Variants in BARD1 observed in about 807,000 individuals in gnomAD.
The protein encoded by BARD1 is BRCA1 associated RING domain 1.
A neutral mutation model predicts 77.0 loss-of-function variants in BARD1; 73 were observed. The observed-to-expected ratio is 0.95, with a 90% CI of 0.79 to 1.15. The LOEUF is 1.15. Among genes scored for constraint, BARD1 ranks in the 50% most tolerant of loss-of-function variants. The pLI, the probability that BARD1 is intolerant of heterozygous loss-of-function variation, is 0.00. For missense variants in BARD1, 993 were observed against 938.8 expected, an observed-to-expected ratio of 1.06 and a Z score of -0.75; for synonymous variants, 384 against 338.0, an observed-to-expected ratio of 1.14 and a Z score of -1.49.
At chr2:214,743,118 T>C (rs1482735493) in intron 9 of BARD1, among the ~76,000 whole-genome samples, 1 of 152,336 alleles carries the variant, frequency 6.6e-6, no homozygotes, top group Admixed American at 6.5e-5. Flanking sequence ...GTGGCATTGC[T>C]AGTCACAGCC....
intron 6 of BARD1, among the ~76,000 whole-genome samples, chr2:214,761,181 T>C (rs946353534): frequency 6.6e-6 from 1 of 151,804 alleles, no homozygotes; most frequent in African/African-American, 2.4e-5. Flanking sequence ...CCAAAAATTA[T>C]ATAATATGTG....
At position 214,782,103 on chromosome 2, in the gene BARD1, C is replaced by T. The variant is rs530737759; in HGVS notation, c.365-594G>A. 2.6e-3 allele frequency among the ~76,000 whole-genome samples: 398 copies of T among 152,066 alleles called. 2 individuals are homozygous for T. Among genetic ancestry groups the T allele is most frequent in the Non-Finnish European group, 4.6e-3 (316 of 67,990 alleles). ...GGACTCATACTATATGACTTCAAAA[C>T]GTATCTCTGACAAAATGAATAAAGG... On this transcript the variant is annotated intron_variant, in intron 3 of 10. Transcript: ENST00000260947.
At chr2:214,801,862 T>C (rs1191908711) in intron 1 of BARD1, among the ~76,000 whole-genome samples, 1 of 108,748 alleles carries the variant, frequency 9.2e-6, no homozygotes, top group Non-Finnish European at 1.9e-5. Flanking sequence ...GGGGGGGGGT[T>C]GTTTTTGTTT....
chr2:214,778,002 C>G (rs932762172), intron 4 of BARD1, among the ~76,000 whole-genome samples: 3 of 152,098 alleles, frequency 2.0e-5, no homozygotes, highest in Admixed American at 6.6e-5. Context: ...TCGAGACCAG[C>G]CTGGCCAACA....
chr2:214,808,187 A>T (rs1574865748), intron 1 of BARD1, among the ~76,000 whole-genome samples: 1 of 152,148 alleles, frequency 6.6e-6, no homozygotes, highest in African/African-American at 2.4e-5. Context: ...AGGCGGGCGG[A>T]TCACGAGGTC....
chr2:214,769,017 CTAAAGG>C (rs1194834129), intron 5 of BARD1, among the ~76,000 whole-genome samples: 3 of 152,316 alleles, frequency 2.0e-5, no homozygotes, highest in South Asian at 4.1e-4. Context: ...ATTCCTAAAT[CTAAAGG>C]TAGTCTGTCA....
chr2:214,774,421 T>G (rs193085471), intron 4 of BARD1, among the ~76,000 whole-genome samples: 44 of 152,304 alleles, frequency 2.9e-4, no homozygotes, highest in African/African-American at 9.1e-4. Flanking sequence ...AGAATTGATG[T>G]TTTGTTGGGA....
intron 9 of BARD1, among the ~76,000 whole-genome samples, chr2:214,734,853 A>G (rs1316311195): frequency 6.6e-6 from 1 of 152,164 alleles, no homozygotes; most frequent in African/African-American, 2.4e-5. Flanking sequence ...TACCAAAAGT[A>G]CTTGTATCCT....
chr2:214,779,650 T>C (rs1395662503), intron 4 of BARD1, among the ~76,000 whole-genome samples: 1 of 152,196 alleles, frequency 6.6e-6, no homozygotes, highest in East Asian at 1.9e-4. Flanking sequence ...TCAAATGTTT[T>C]ATGTTGCCCA....
intron 1 of BARD1, among the ~76,000 whole-genome samples, chr2:214,801,855 G>GGT (rs1696039441): frequency 6.7e-6 from 1 of 149,262 alleles, no homozygotes; most frequent in South Asian, 2.2e-4. Context: ...TTGGCGGGGG[G>GGT]GGGGGTTGTT....
chr2:214,734,104 A>G (rs1256914502), intron 9 of BARD1, among the ~76,000 whole-genome samples: 1 of 152,170 alleles, frequency 6.6e-6, no homozygotes, highest in Non-Finnish European at 1.5e-5. Flanking sequence ...CAAAGATAAT[A>G]GGTTTTTTGA....
chr2:214,792,046 G>A (rs1031043823), intron 3 of BARD1, among the ~76,000 whole-genome samples: 4 of 151,540 alleles, frequency 2.6e-5, no homozygotes, highest in Admixed American at 6.6e-5. Flanking sequence ...AAAAACCACC[G>A]GGTGTGTCAC....
At chr2:214,734,970 T>C (rs1363559942) in intron 9 of BARD1, among the ~76,000 whole-genome samples, 1 of 152,178 alleles carries the variant, frequency 6.6e-6, no homozygotes, top group African/African-American at 2.4e-5. Context: ...ACACTGCTGT[T>C]AAAGGAAATA....
chr2:214,759,765 T>G (rs541945665), intron 6 of BARD1, among the ~76,000 whole-genome samples: 8 of 152,052 alleles, frequency 5.3e-5, no homozygotes, highest in Non-Finnish European at 1.0e-4. Context: ...ACAGCCTCTA[T>G]GGGAAAAAAT....
At chr2:214,798,861 G>A (rs1242265004) in intron 1 of BARD1, among the ~76,000 whole-genome samples, 1 of 151,826 alleles carries the variant, frequency 6.6e-6, no homozygotes, top group Non-Finnish European at 1.5e-5. Flanking sequence ...GCTCATGCCT[G>A]TAATCCTAGC....
At chr2:214,809,294 G>A (rs1318910572) in intron 1 of BARD1, 118 bp downstream of exon 1, 2 of 1,447,644 alleles carry the variant, frequency 1.4e-6, no homozygotes, top group African/African-American at 1.4e-5. Context: ...ACCGCACGCC[G>A]ACCCGACTGC....
At chr2:214,750,239 C>T (rs1296976449) in intron 7 of BARD1, among the ~76,000 whole-genome samples, 1 of 152,114 alleles carries the variant, frequency 6.6e-6, no homozygotes, top group Non-Finnish European at 1.5e-5. Flanking sequence ...CAAACCTGGT[C>T]TCCACTACTG....
At position 214,781,276 on chromosome 2, in the gene BARD1, C is replaced by A; in HGVS notation, c.598G>T (p.Ala200Ser). ...DVSERAKKAS[A>S]RSGKKQKKKT... Reference sequence around the variant, plus strand: ...TTTTTTTGCTTTTTTCCAGATCTTGCAGAAGCCTTTTTAGCCCTCTCAGAA... The same window carrying A: ...TTTTTTTGCTTTTTTCCAGATCTTGAAGAAGCCTTTTTAGCCCTCTCAGAA... Residue 200 changes from alanine to serine, a missense_variant, in exon 4 of 11, where the codon GCA becomes TCA. Coordinates refer to ENST00000260947, the MANE Select transcript of BARD1 (RefSeq NM_000465.4). The A allele has an allele frequency of 6.2e-7, 1 of 1,600,410 alleles. No individual in the cohort carries two copies. The highest frequency in any genetic ancestry group is 8.5e-7 in the Non-Finnish European group (1 of 1,176,646).
chr2:214,780,110 G>C (rs957319693), intron 4 of BARD1, among the ~76,000 whole-genome samples: 7 of 152,142 alleles, frequency 4.6e-5, no homozygotes, highest in African/African-American at 1.4e-4. Context: ...CAAATGTCCC[G>C]GTCATTGGAG....
Sources: allele counts gnomAD v4.1 joint callset (sites outside exome capture counted in the v4.1 genomes callset), GRCh38; gene constraint gnomAD v4.1.1; transcripts MANE v1.5; gene names NCBI Gene and HGNC (gene_info 2026-07-23, HGNC 2026-07-21).